The following STAC variants were observed in gnomAD, a reference collection of about 807,000 sequenced individuals.
STAC encodes SH3 and cysteine rich domain.
A neutral mutation model predicts 48.8 loss-of-function variants in STAC; 43 were observed. The ratio of observed to expected loss-of-function variants is 0.88; its 90% CI spans 0.69 to 1.14. STAC has a LOEUF of 1.14. Among genes scored for constraint, STAC ranks in the 50% most tolerant of loss-of-function variants. The pLI is 0.00. For synonymous variants in STAC, 193 were observed against 179.5 expected (o/e 1.07, Z -0.60); for missense variants, 497 against 504.0 (o/e 0.99, Z 0.13).
intron 1 of STAC, among the ~76,000 whole-genome samples, chr3:36,386,502 T>C (rs1368777375): frequency 6.6e-6 from 1 of 152,054 alleles, no homozygotes; most frequent in East Asian, 1.9e-4. Context: ...TTGTGCTTTT[T>C]GTGTACTGCT....
chr3:36,430,560 A>G (rs1171607796), intron 1 of STAC, among the ~76,000 whole-genome samples: 1 of 152,218 alleles, frequency 6.6e-6, no homozygotes, highest in Non-Finnish European at 1.5e-5. Context: ...TACTACAGAA[A>G]TATCCTCAGT....
intron 8 of STAC, among the ~76,000 whole-genome samples, chr3:36,517,403 A>C (rs1045261322): frequency 2.0e-5 from 3 of 152,218 alleles, no homozygotes; most frequent in Admixed American, 6.5e-5. Flanking sequence ...TAATCCCAGC[A>C]CTGTGGGAGG....
chr3:36,480,992 G>T (rs1697630939), intron 2 of STAC, among the ~76,000 whole-genome samples: 1 of 152,192 alleles, frequency 6.6e-6, no homozygotes, highest in African/African-American at 2.4e-5. Context: ...TAACCACAGA[G>T]TGTTGGGAGA....
chr3:36,380,643 G>A lies in STAC; in HGVS notation c.-1G>A, dbSNP rs112766131. On this transcript the variant is annotated 5_prime_UTR_variant, in exon 1 of 11. Transcript: ENST00000273183. ...CCCAACACCGTTCCCGCGCGGCCACGATGATCCCTCCGAGCAGCCCCCGCG... is the reference window on the plus strand; with the variant it reads ...CCCAACACCGTTCCCGCGCGGCCACAATGATCCCTCCGAGCAGCCCCCGCG... 0.21 allele frequency: 329,635 copies of A among 1,584,642 alleles called. 35,986 individuals carry two copies. The highest frequency in any genetic ancestry group is 0.25 in the Admixed American group (14,378 of 56,416).
At position 36,546,518 on chromosome 3, in the gene STAC, G is replaced by A. The variant is rs1463103384; in HGVS notation, c.*229G>A. 7.1e-6 allele frequency: 4 copies of A among 562,770 alleles called. No homozygotes were observed. The African/African-American group carries it at 7.5e-5, about 11-fold the overall frequency. The allele number at this position is 562,770 out of a possible 1,614,324, so 34.9% of individuals were successfully genotyped here. A position where few individuals can be genotyped will look rare whatever the true frequency, so the allele number is the denominator to read the frequency against. ...GGGACGAGGCTGAGAGAGTCAGCAG[G>A]CAGAGCCAGATGCCATGCTTGGCAG... is the stretch of plus-strand genomic sequence containing the variant. On this transcript the variant is annotated 3_prime_UTR_variant, in exon 11 of 11. Coordinates refer to ENST00000273183, the MANE Select transcript of STAC (RefSeq NM_003149.3).
At chr3:36,458,206 T>C (rs1696904654) in intron 2 of STAC, among the ~76,000 whole-genome samples, 1 of 152,142 alleles carries the variant, frequency 6.6e-6, no homozygotes, top group African/African-American at 2.4e-5. Context: ...ACCATCTTGT[T>C]CAACTGAACT....
At chr3:36,511,084 T>C (rs2125717258) in intron 8 of STAC, among the ~76,000 whole-genome samples, 1 of 151,384 alleles carries the variant, frequency 6.6e-6, no homozygotes, top group East Asian at 1.9e-4. Flanking sequence ...ATAGAATAGG[T>C]GAGCCTTGTG....
In STAC at chr3:36,514,393, TC is replaced by T. The variant is rs1197084528; in HGVS notation, c.920+8560del. ...TCTGATTCATGCACTAGATCTCAGG[TC>T]AAATTTCATTTCCTTGTTGCAGCCT... On this transcript the variant is annotated intron_variant, in intron 8 of 10. Transcript: ENST00000273183. 2.4e-4 allele frequency among the ~76,000 whole-genome samples: 36 copies of T among 151,930 alleles called. No individual in the cohort carries two copies. The East Asian group carries it at 4.4e-3, about 19-fold the overall frequency.
intron 1 of STAC, 38 bp downstream of exon 1, chr3:36,380,792 A>C: frequency 3.2e-5 from 48 of 1,494,208 alleles, no homozygotes; most frequent in Non-Finnish European, 3.8e-5. Flanking sequence ...ACACAAACTC[A>C]CTCTCCTCTC....
intron 1 of STAC, among the ~76,000 whole-genome samples, chr3:36,406,247 A>T (rs1444179572): frequency 1.3e-5 from 2 of 152,166 alleles, no homozygotes; most frequent in African/African-American, 2.4e-5. Context: ...AGTTTCTGAG[A>T]GGCACTTTTG....
At chr3:36,476,407 CA>C (rs1697495241) in intron 2 of STAC, among the ~76,000 whole-genome samples, 1 of 152,138 alleles carries the variant, frequency 6.6e-6, no homozygotes. Flanking sequence ...GACTGTTTAC[CA>C]GTCAAACAAG....
chr3:36,477,975 T>G (rs1697536763), intron 2 of STAC, among the ~76,000 whole-genome samples: 1 of 152,240 alleles, frequency 6.6e-6, no homozygotes, highest in African/African-American at 2.4e-5. Flanking sequence ...AGGCAGATAG[T>G]ACTGAAAGTT....
At chr3:36,535,935 T>G (rs1176543937) in intron 10 of STAC, among the ~76,000 whole-genome samples, 3 of 152,178 alleles carry the variant, frequency 2.0e-5, no homozygotes, top group Non-Finnish European at 4.4e-5. Flanking sequence ...TTTTCTTTTT[T>G]TGTTGTGTCT....
At chr3:36,381,291 T>G (rs1248771588) in intron 1 of STAC, among the ~76,000 whole-genome samples, 1 of 152,320 alleles carries the variant, frequency 6.6e-6, no homozygotes, top group South Asian at 2.1e-4. Flanking sequence ...ATGTTCCTCT[T>G]GTGAAAGTTA....
intron 3 of STAC, among the ~76,000 whole-genome samples, chr3:36,484,453 C>T (rs1697744866): frequency 1.3e-5 from 2 of 152,166 alleles, no homozygotes; most frequent in South Asian, 2.1e-4. Context: ...TCCCATAAGC[C>T]AAGACAGACC....
rs1488475920 is a variant in STAC, at chr3:36,546,648, C to G, written c.*359C>G. The G allele has an allele frequency of 3.4e-6, 1 of 296,544 alleles. No homozygotes were observed. Among genetic ancestry groups the G allele is most frequent in the East Asian group, 6.3e-5 (1 of 15,942 alleles). The allele number at this position is 296,544 out of a possible 1,614,324, so 18.4% of individuals were successfully genotyped here. A position where few individuals can be genotyped will look rare whatever the true frequency, so the allele number is the denominator to read the frequency against. On this transcript the variant is annotated 3_prime_UTR_variant, in exon 11 of 11. Coordinates refer to ENST00000273183, the MANE Select transcript of STAC (RefSeq NM_003149.3). ...GAGTGTGCTCCAGTTTGCAGGGTAG[C>G]CCAGTGCAAGGTTCAGATCCATGTA...
chr3:36,528,669 A>C (rs1163523407), intron 8 of STAC, 27 bp from the exon 9 acceptor site: 24 of 1,554,078 alleles, frequency 1.5e-5, no homozygotes, highest in Non-Finnish European at 1.8e-5. Flanking sequence ...TTTTTCCTTT[A>C]CCTAACTCAT....
At chr3:36,428,631 G>T (rs987643980) in intron 1 of STAC, among the ~76,000 whole-genome samples, 1 of 152,186 alleles carries the variant, frequency 6.6e-6, no homozygotes, top group Non-Finnish European at 1.5e-5. Flanking sequence ...CCTGAAGGAA[G>T]TGAGAAGTGA....
chr3:36,489,092 G>A (rs1697897516), intron 5 of STAC, among the ~76,000 whole-genome samples: 1 of 152,170 alleles, frequency 6.6e-6, no homozygotes, highest in Non-Finnish European at 1.5e-5. Flanking sequence ...CATGCATGGT[G>A]AGTTGCTCCT....
Sources: allele counts gnomAD v4.1 joint callset (sites outside exome capture counted in the v4.1 genomes callset), GRCh38; gene constraint gnomAD v4.1.1; transcripts MANE v1.5; gene names NCBI Gene and HGNC (gene_info 2026-07-23, HGNC 2026-07-21).